The following AFG2A variants were observed in gnomAD, a reference collection of about 807,000 sequenced individuals.
AFG2A encodes AAA ATPase AFG2A, also known as ATPase family gene 2 protein homolog A.
chr4:122,942,135 A>C, the AFG2A span, among the ~76,000 whole-genome samples: 1 of 151,430 alleles, frequency 6.6e-6, no homozygotes, highest in Non-Finnish European at 1.5e-5. Flanking sequence ...TATCAGGATG[A>C]TGCTGGCCTC....
At chr4:122,979,349 C>T in the AFG2A span, 1 of 1,614,002 alleles carries the variant, frequency 6.2e-7, no homozygotes, top group East Asian at 2.2e-5. Context: ...GATATCAGAC[C>T]CAGTGCCATG....
chr4:123,021,726 A>T, the AFG2A span, among the ~76,000 whole-genome samples: 1 of 152,226 alleles, frequency 6.6e-6, no homozygotes, highest in South Asian at 2.1e-4. Flanking sequence ...GTTAAATGCC[A>T]GTAGTACAAA....
chr4:123,123,717 A>C, the AFG2A span, among the ~76,000 whole-genome samples: 1 of 151,548 alleles, frequency 6.6e-6, no homozygotes, highest in Non-Finnish European at 1.5e-5. Flanking sequence ...GGAGGCCGAG[A>C]CGGGTGGATC....
chr4:123,148,577 T>C, the AFG2A span, among the ~76,000 whole-genome samples: 1 of 152,164 alleles, frequency 6.6e-6, no homozygotes, highest in African/African-American at 2.4e-5. Flanking sequence ...CCAGTATGGC[T>C]TACTGTTGTA....
the AFG2A span, chr4:122,947,279 C>T: frequency 1.8e-5 from 29 of 1,611,784 alleles, no homozygotes; most frequent in Middle Eastern, 1.6e-4. Flanking sequence ...ACAAATCGCC[C>T]TCATGCCTTG....
chr4:123,301,218 C>T, the AFG2A span, among the ~76,000 whole-genome samples: 2 of 152,058 alleles, frequency 1.3e-5, no homozygotes, highest in African/African-American at 2.4e-5. Flanking sequence ...TCTAGATATC[C>T]ATAGACTCTC....
At chr4:122,947,582 G>A in the AFG2A span, 20 of 1,314,416 alleles carry the variant, frequency 1.5e-5, no homozygotes, top group Non-Finnish European at 1.9e-5. Flanking sequence ...TTTCTTAATG[G>A]AAGTAGCTTT....
the AFG2A span, among the ~76,000 whole-genome samples, chr4:123,303,001 A>T: frequency 1.3e-5 from 2 of 152,152 alleles, no homozygotes; most frequent in Non-Finnish European, 2.9e-5. Flanking sequence ...TGAATAAATG[A>T]AAGAATAAGG....
the AFG2A span, among the ~76,000 whole-genome samples, chr4:122,954,038 A>G: frequency 6.6e-6 from 1 of 152,206 alleles, no homozygotes; most frequent in Non-Finnish European, 1.5e-5. Flanking sequence ...CCTAATTTCC[A>G]GATGATGTCC....
chr4:123,035,563 C>T, the AFG2A span, among the ~76,000 whole-genome samples: 3 of 151,936 alleles, frequency 2.0e-5, no homozygotes, highest in Admixed American at 2.0e-4. Context: ...AGTTATTGTG[C>T]CATTGTCAGT....
At chr4:122,923,906 C>CGATAT in the AFG2A span, among the ~76,000 whole-genome samples, 2 of 152,034 alleles carry the variant, frequency 1.3e-5, no homozygotes, top group African/African-American at 4.8e-5. Flanking sequence ...GTGGCAGAGC[C>CGATAT]GATATTTGAG....
the AFG2A span, among the ~76,000 whole-genome samples, chr4:123,180,174 C>T: frequency 2.0e-5 from 3 of 152,168 alleles, 1 homozygote; most frequent in Non-Finnish European, 4.4e-5. Context: ...AAGCCACGAT[C>T]ATGCCACTGC....
chr4:122,981,015 T>G, the AFG2A span, among the ~76,000 whole-genome samples: 82 of 152,304 alleles, frequency 5.4e-4, no homozygotes, highest in South Asian at 0.014. Context: ...CAGTCCTGTT[T>G]GTCAGTTTTT....
At chr4:123,114,626 A>T in the AFG2A span, among the ~76,000 whole-genome samples, 1 of 152,170 alleles carries the variant, frequency 6.6e-6, no homozygotes, top group Non-Finnish European at 1.5e-5. Context: ...TGGGGGACCC[A>T]CCTGGGTACT....
chr4:123,020,846 T>C, the AFG2A span, among the ~76,000 whole-genome samples: 16 of 152,330 alleles, frequency 1.1e-4, no homozygotes, highest in East Asian at 1.9e-3. Context: ...GAAATCTTTT[T>C]GTATTTCCTG....
the AFG2A span, among the ~76,000 whole-genome samples, chr4:123,200,090 A>G: frequency 6.6e-6 from 1 of 152,222 alleles, no homozygotes; most frequent in East Asian, 1.9e-4. Flanking sequence ...TTCTTAATTC[A>G]TAATGTGGAA....
the AFG2A span, among the ~76,000 whole-genome samples, chr4:123,156,555 C>T: frequency 6.6e-6 from 1 of 152,012 alleles, no homozygotes; most frequent in Admixed American, 6.6e-5. Flanking sequence ...GGAACTGCCT[C>T]AGTACCTACT....
the AFG2A span, among the ~76,000 whole-genome samples, chr4:123,215,779 C>T: frequency 6.6e-6 from 1 of 152,114 alleles, no homozygotes; most frequent in Non-Finnish European, 1.5e-5. Context: ...TGAATCTCTT[C>T]AGTAGCATTT....
chr4:122,943,270 A>G, the AFG2A span, among the ~76,000 whole-genome samples: 1 of 152,160 alleles, frequency 6.6e-6, no homozygotes, highest in African/African-American at 2.4e-5. Context: ...GTGGGCGTCT[A>G]AGTCTCTTTG....
Sources: gnomAD v4.1 joint callset for allele counts (sites outside exome capture counted in the v4.1 genomes callset) on GRCh38, gnomAD v4.1.1 for gene constraint, MANE v1.5 for transcripts, NCBI Gene and HGNC (gene_info 2026-07-23, HGNC 2026-07-21) for gene names.